Variants in C10orf143 observed in about 807,000 individuals in gnomAD.
C10orf143 encodes chromosome 10 open reading frame 143.
chr10:130,107,821 C>T (rs750574771), intron 1 of C10orf143: 1 of 1,247,710 alleles, frequency 8.0e-7, no homozygotes, highest in African/African-American at 1.5e-5. Context: ...ACACTGGGTC[C>T]CTGTCACTTC....
At position 130,076,011 on chromosome 10, in the gene C10orf143, T is replaced by C. The variant is rs183912859; in HGVS notation, c.297+3555A>G. 3.4e-5 allele frequency among the ~76,000 whole-genome samples: 5 copies of C among 147,900 alleles called. No homozygotes were observed. The East Asian group carries it at 9.8e-4, about 29-fold the overall frequency. ...TGTTTGTTTTTTTTTTTGGAAATGA[T>C]GGAGTCTCATTCTGTCACTCAGGCT... On this transcript the variant is annotated intron_variant, in intron 3 of 3. Transcript: ENST00000637128.
chr10:130,045,490 G>A (rs1860656707), intron 3 of C10orf143, among the ~76,000 whole-genome samples: 1 of 152,192 alleles, frequency 6.6e-6, no homozygotes, highest in Non-Finnish European at 1.5e-5. Context: ...GCCCCGCCCC[G>A]CAGCACTGCA....
Position 130,064,308 on chromosome 10 carries a change from G to C in C10orf143, c.*46C>G. On this transcript the variant is annotated 3_prime_UTR_variant, in exon 4 of 4. Coordinates refer to ENST00000637128, the MANE Select transcript of C10orf143 (RefSeq NM_001355042.2). ...GATTCACATTTGCTGCAACATGAAG[G>C]GTTCAAAACCAAAACTGGGACCTTC... 2.5e-6 allele frequency: 1 copy of C among 398,432 alleles called. No homozygotes were observed. Among genetic ancestry groups the C allele is most frequent in the Admixed American group, 4.4e-5 (1 of 22,714 alleles). The allele number at this position is 398,432 out of a possible 1,614,324, so 24.7% of individuals were successfully genotyped here.
chr10:130,084,612 TAA>T (rs2134776845), intron 1 of C10orf143, among the ~76,000 whole-genome samples: 1 of 151,342 alleles, frequency 6.6e-6, no homozygotes, highest in East Asian at 2.0e-4. Flanking sequence ...TAGAAATATA[TAA>T]AGATATGTAT....
intron 1 of C10orf143, among the ~76,000 whole-genome samples, chr10:130,095,523 C>T (rs536817647): frequency 3.9e-5 from 6 of 152,184 alleles, no homozygotes; most frequent in Non-Finnish European, 8.8e-5. Context: ...GGAGGCATCA[C>T]GCTGCCTGAC....
intron 3 of C10orf143, among the ~76,000 whole-genome samples, chr10:130,039,311 G>A (rs1460130677): frequency 6.6e-6 from 1 of 152,118 alleles, no homozygotes; most frequent in Non-Finnish European, 1.5e-5. Flanking sequence ...CAAGCCGGAG[G>A]CCGAGGACCA....
intron 1 of C10orf143, chr10:130,101,206 CTCTG>C (rs541031191): frequency 4.7e-5 from 7 of 150,328 alleles, no homozygotes; most frequent in African/African-American, 1.7e-4. Flanking sequence ...GCAACAGAGA[CTCTG>C]TCTGGGGAAA....
chr10:130,055,964 A>AAG (rs1251350309), intron 3 of C10orf143, among the ~76,000 whole-genome samples: 4 of 149,278 alleles, frequency 2.7e-5, no homozygotes, highest in Non-Finnish European at 5.9e-5. Context: ...AAAAAAAAAA[A>AAG]AAAAAAAAAA....
intron 3 of C10orf143, among the ~76,000 whole-genome samples, chr10:130,046,701 G>C (rs1334370135): frequency 6.6e-6 from 1 of 152,256 alleles, no homozygotes; most frequent in Non-Finnish European, 1.5e-5. Flanking sequence ...TGCGGGCTGG[G>C]CGTGTCCTTT....
chr10:130,057,066 T>C (rs1860805579), intron 3 of C10orf143, among the ~76,000 whole-genome samples: 1 of 151,164 alleles, frequency 6.6e-6, no homozygotes, highest in Non-Finnish European at 1.5e-5. Context: ...ATTTTTTTTT[T>C]TTTTTTGTAA....
intron 1 of C10orf143, among the ~76,000 whole-genome samples, chr10:130,105,625 G>C (rs796957223): frequency 1.1e-4 from 16 of 152,222 alleles, no homozygotes; most frequent in African/African-American, 3.9e-4. Context: ...AGCTACTCCG[G>C]AGGCTAAGGC....
chr10:130,040,507 C>T (rs982930072), intron 3 of C10orf143, among the ~76,000 whole-genome samples: 1 of 152,224 alleles, frequency 6.6e-6, no homozygotes, highest in African/African-American at 2.4e-5. Context: ...TCCTGAGACT[C>T]TCCACCGCAC....
chr10:130,035,382 A>T (rs1179560574), intron 4 of C10orf143, among the ~76,000 whole-genome samples: 1 of 152,162 alleles, frequency 6.6e-6, no homozygotes, highest in African/African-American at 2.4e-5. Flanking sequence ...ACTTTTAAAG[A>T]CCCTATCTCC....
chr10:130,050,802 C>T (rs916590354), intron 3 of C10orf143, among the ~76,000 whole-genome samples: 5 of 152,186 alleles, frequency 3.3e-5, no homozygotes, highest in African/African-American at 9.7e-5. Context: ...GCTCTTAACA[C>T]GGGATGTAAA....
At chr10:130,060,875 C>T (rs1860850198), downstream of C10orf143, among the ~76,000 whole-genome samples, 1 of 149,594 alleles carries the variant, frequency 6.7e-6, no homozygotes, top group African/African-American at 2.5e-5. Flanking sequence ...CGGTGGCTCA[C>T]ACCTGTAATC....
intron 3 of C10orf143, among the ~76,000 whole-genome samples, chr10:130,070,117 A>G (rs914770556): frequency 1.3e-5 from 2 of 152,230 alleles, no homozygotes; most frequent in African/African-American, 4.8e-5. Flanking sequence ...CAGACAATGC[A>G]GTCATTTTTC....
At chr10:130,047,693 C>T (rs979205787) in intron 3 of C10orf143, among the ~76,000 whole-genome samples, 2 of 152,220 alleles carry the variant, frequency 1.3e-5, no homozygotes, top group Non-Finnish European at 2.9e-5. Flanking sequence ...ACAGGTGACA[C>T]CCAGGCCACG....
At chr10:130,072,650 A>G (rs907409258) in intron 3 of C10orf143, among the ~76,000 whole-genome samples, 1 of 152,202 alleles carries the variant, frequency 6.6e-6, no homozygotes, top group African/African-American at 2.4e-5. Flanking sequence ...TTCTTTAATC[A>G]TTTTATAAAA....
chr10:130,035,484 T>C (rs549327697), intron 4 of C10orf143, among the ~76,000 whole-genome samples: 1 of 152,348 alleles, frequency 6.6e-6, no homozygotes, highest in African/African-American at 2.4e-5. Flanking sequence ...CTTCAGAGGC[T>C]GAGGACTACC....
Sources: gnomAD v4.1 joint callset for allele counts (sites outside exome capture counted in the v4.1 genomes callset) on GRCh38, gnomAD v4.1.1 for gene constraint, MANE v1.5 for transcripts, NCBI Gene and HGNC (gene_info 2026-07-23, HGNC 2026-07-21) for gene names.